The following MAPK12 variants were observed in gnomAD, a reference collection of about 807,000 sequenced individuals.
MAPK12 encodes MAP kinase 12.
In MAPK12, 49 loss-of-function variants were observed where a neutral mutation model predicts 49.1. The observed-to-expected ratio is 1.00, with a 90% CI of 0.79 to 1.27. The LOEUF is 1.27. MAPK12 is among the 50% of genes most tolerant of loss of function. MAPK12 has a pLI of 0.00. For missense variants in MAPK12, 554 were observed against 502.4 expected, an observed-to-expected ratio of 1.10 and a Z score of -0.98; for synonymous variants, 251 against 209.7, an observed-to-expected ratio of 1.20 and a Z score of -1.70.
rs756066514 is a variant in MAPK12, at chr22:50,257,190, G to GT, written c.317dup (p.Tyr106Ter). The change falls in exon 4 of 12, where the codon TAC becomes TAAC. Residue 106 changes from tyrosine (Y) to a stop codon, truncating the protein, a stop_gained and frameshift_variant. Transcript: ENST00000215659. LOFTEE classifies it high-confidence loss of function. ...DETLDDFTDF[Y>*]LVMPFMGTDL... ...CGGTGCCCATGAACGGCATCACCAG[G>GT]TAACTGTGGGAGGGGCCGGAGCGCT... The GT allele has an allele frequency of 1.2e-6, 2 of 1,611,700 alleles. No homozygotes were observed. Among genetic ancestry groups the GT allele is most frequent in the Admixed American group, 3.3e-5 (2 of 60,022 alleles).
In MAPK12 at chr22:50,253,203, A is replaced by G. The variant is rs2065116060; in HGVS notation, c.*198T>C. 6 of 616,608 alleles carry G rather than the reference A, an allele frequency of 9.7e-6. No homozygotes were observed. The highest frequency in any genetic ancestry group is 1.8e-5 in the Non-Finnish European group (6 of 339,554). 38.2% of individuals were successfully genotyped at this position (616,608 alleles called of 1,614,324 possible). On this transcript the variant is annotated 3_prime_UTR_variant, in exon 12 of 12. Coordinates refer to ENST00000215659, the MANE Select transcript of MAPK12 (RefSeq NM_002969.6). ...AGGTCGGCCAGAGGTCTTGTCCAGA[A>G]AGTTCAGGTGCTCCTCCATGATGGG...
chr22:50,256,247 G>T (rs200968618), intron 6 of MAPK12, 48 bp from the exon 7 acceptor site: 2 of 1,448,504 alleles, frequency 1.4e-6, no homozygotes, highest in African/African-American at 2.8e-5. Flanking sequence ...CCCAAGGAGC[G>T]GACAGGCCAC....
At chr22:50,258,725 C>T (rs1487742258) in intron 2 of MAPK12, among the ~76,000 whole-genome samples, 2 of 152,216 alleles carry the variant, frequency 1.3e-5, no homozygotes, top group Admixed American at 6.5e-5. Flanking sequence ...CGGACAGCAC[C>T]GTGACCCACC....
rs200047423 is a variant in MAPK12, at chr22:50,255,822, T to C, written c.679A>G (p.Lys227Glu). ...AEMITGKTLFKGSDHLDQLKE... is the reference protein window; with the variant it reads ...AEMITGKTLFEGSDHLDQLKE... ...GGCTGGAGGATACGGTCGCTGCCCT[T>C]GAACAGCGTCTTGCCTGTGATCATC... Residue 227 changes from lysine to glutamate, a missense_variant, in exon 8 of 12, where the codon AAG becomes GAG. Coordinates refer to ENST00000215659, the MANE Select transcript of MAPK12 (RefSeq NM_002969.6). 46 of 1,612,740 alleles carry C rather than the reference T, an allele frequency of 2.9e-5. No homozygotes were observed. Among genetic ancestry groups the C allele is most frequent in the Non-Finnish European group, 3.9e-5 (46 of 1,179,996 alleles).
At chr22:50,258,114 G>C (rs1021823229) in intron 3 of MAPK12, 129 bp downstream of exon 3, 1 of 846,458 alleles carries the variant, frequency 1.2e-6, no homozygotes, top group Non-Finnish European at 2.0e-6. Flanking sequence ...ATGGGGAGGG[G>C]GTGGGCGGTG....
At chr22:50,257,904 C>T (rs764646042) in intron 3 of MAPK12, 13 of 772,656 alleles carry the variant, frequency 1.7e-5, no homozygotes, top group South Asian at 2.7e-5. Context: ...CTCCAGTTAC[C>T]GGCCACACAC....
At chr22:50,257,482 G>A (rs1260124504) in intron 3 of MAPK12, 2 of 527,204 alleles carry the variant, frequency 3.8e-6, no homozygotes, top group East Asian at 6.6e-5. Context: ...ACCCTCCGCT[G>A]AAGCGCCCTG....
At chr22:50,257,925 G>A in intron 3 of MAPK12, 1 of 774,404 alleles carries the variant, frequency 1.3e-6, no homozygotes, top group South Asian at 1.4e-5. Context: ...TTGGTGCCAG[G>A]GTCCCGAGCA....
intron 3 of MAPK12, chr22:50,257,875 C>A: frequency 1.3e-6 from 1 of 762,922 alleles, no homozygotes. Flanking sequence ...CTCCCCCACC[C>A]GCTGGAAAAG....
At position 50,253,147 on chromosome 22, in the gene MAPK12, G is replaced by A. The variant is rs1569139921; in HGVS notation, c.*254C>T. ...GTTTCTGAGAGCACCGGGCAAGTGG[G>A]CCACTGCTCCAGGGATCAGAGGCCA... On this transcript the variant is annotated 3_prime_UTR_variant, in exon 12 of 12. Coordinates refer to ENST00000215659, the MANE Select transcript of MAPK12 (RefSeq NM_002969.6). The A allele has an allele frequency of 1.1e-5, 6 of 530,464 alleles. No homozygotes were observed. In the East Asian group the frequency reaches 1.7e-4, roughly 15 times the overall value. 32.9% of individuals were successfully genotyped at this position (530,464 alleles called of 1,614,324 possible). A position where few individuals can be genotyped will look rare whatever the true frequency, so the allele number is the denominator to read the frequency against.
At chr22:50,253,964 T>A (rs2065123460) in intron 11 of MAPK12, 1 of 162,418 alleles carries the variant, frequency 6.2e-6, no homozygotes, top group Admixed American at 5.8e-5. Context: ...AGGACCAAGG[T>A]CCCGCACCCG....
In MAPK12 at chr22:50,257,726, C is replaced by T. The variant is rs377617207; in HGVS notation, c.314+517G>A. The T allele has an allele frequency of 2.0e-4, 125 of 634,928 alleles. 2 individuals carry two copies. The South Asian group carries it at 2.2e-3, about 11-fold the overall frequency. The allele number at this position is 634,928 out of a possible 1,614,324, so 39.3% of individuals were successfully genotyped here. A position where few individuals can be genotyped will look rare whatever the true frequency, so the allele number is the denominator to read the frequency against. On this transcript the variant is annotated intron_variant, in intron 3 of 11. Coordinates refer to ENST00000215659, the MANE Select transcript of MAPK12 (RefSeq NM_002969.6). Reference sequence around the variant, plus strand: ...ACCTTCCCAGAGGCCACTGACTTGACCTCTGCAAGTCAGGCGGGAGGCGCC... The same window carrying T: ...ACCTTCCCAGAGGCCACTGACTTGATCTCTGCAAGTCAGGCGGGAGGCGCC...
At chr22:50,256,511 C>T in intron 6 of MAPK12, 88 bp downstream of exon 6, 1 of 1,505,144 alleles carries the variant, frequency 6.6e-7, no homozygotes, top group Non-Finnish European at 9.0e-7. Flanking sequence ...GACCTTGGCC[C>T]CCTGCCCAGG....
intron 11 of MAPK12, chr22:50,254,863 T>C: frequency 8.3e-7 from 1 of 1,206,096 alleles, no homozygotes; most frequent in Non-Finnish European, 1.0e-6. Flanking sequence ...CCCGGCTCCT[T>C]CTGTGCCAGC....
chr22:50,258,333 C>A, intron 2 of MAPK12, 32 bp from the exon 3 acceptor site: 1 of 1,600,326 alleles, frequency 6.2e-7, no homozygotes, highest in Non-Finnish European at 8.6e-7. Context: ...GAGAATGCAG[C>A]AGAGGACACG....
Position 50,257,120 on chromosome 22 carries a change from T to C in MAPK12, c.388A>G (p.Ile130Val). Residue 130 changes from isoleucine to valine, a missense_variant, in exon 4 of 12, where the codon ATC becomes GTC. Physicochemically the swap from Ile to Val is conservative, Grantham distance 29. Transcript: ENST00000215659. Reference sequence around the variant, plus strand: ...AGCATCTGGTACACGAGGAACTGGATCCGGTCCTCGCCTAGCTTCTCATGT... The same window carrying C: ...AGCATCTGGTACACGAGGAACTGGACCCGGTCCTCGCCTAGCTTCTCATGT... ...MKHEKLGEDR[I>V]QFLVYQMLKG... The C allele has an allele frequency of 6.2e-7, 1 of 1,612,824 alleles. No homozygotes were observed. The highest frequency in any genetic ancestry group is 8.5e-7 in the Non-Finnish European group (1 of 1,179,934).
In MAPK12 at chr22:50,255,543, G is replaced by A. The variant is rs1480028551; in HGVS notation, c.772-12C>T. 15 of 1,613,026 alleles carry A rather than the reference G, an allele frequency of 9.3e-6. No individual in the cohort carries two copies. The highest frequency in any genetic ancestry group is 4.5e-5 in the East Asian group (2 of 44,884). ...ATGTAGTTCTTGGCCTGTGTGGGAAGAAAGGGTGAGGGGCCAACACCAAGG... is the reference window on the plus strand; with the variant it reads ...ATGTAGTTCTTGGCCTGTGTGGGAAAAAAGGGTGAGGGGCCAACACCAAGG... On this transcript the variant is annotated splice_polypyrimidine_tract_variant and intron_variant, in intron 9 of 11. Transcript: ENST00000215659.
chr22:50,255,546 A>C lies in MAPK12; in HGVS notation c.772-15T>G. The C allele has an allele frequency of 6.2e-7, 1 of 1,613,110 alleles. No homozygotes were observed. The highest frequency in any genetic ancestry group is 8.5e-7 in the Non-Finnish European group (1 of 1,180,000). On this transcript the variant is annotated splice_polypyrimidine_tract_variant and intron_variant, in intron 9 of 11. Transcript: ENST00000215659. ...TAGTTCTTGGCCTGTGTGGGAAGAA[A>C]GGGTGAGGGGCCAACACCAAGGCCC... is the stretch of plus-strand genomic sequence containing the variant.
At chr22:50,257,227 G>A in intron 3 of MAPK12, 34 bp from the exon 4 acceptor site, 1 of 1,563,340 alleles carries the variant, frequency 6.4e-7, no homozygotes, top group Non-Finnish European at 8.8e-7. Context: ...TCAGCGGACA[G>A]AGCCAGCCTC....
Sources: gnomAD v4.1 joint callset for allele counts (sites outside exome capture counted in the v4.1 genomes callset) on GRCh38, gnomAD v4.1.1 for gene constraint, MANE v1.5 for transcripts, NCBI Gene and HGNC (gene_info 2026-07-23, HGNC 2026-07-21) for gene names.